Variants in SMYD1 observed in about 807,000 individuals in gnomAD.
SMYD1 encodes histone-lysine N-methyltransferase SMYD1.
A neutral mutation model predicts 54.0 loss-of-function variants in SMYD1; 49 were observed. That is an observed-to-expected ratio of 0.91 (90% confidence interval 0.72 to 1.15). The LOEUF is 1.15. SMYD1 is among the 50% of genes most tolerant of loss of function. SMYD1 has a pLI of 0.00. For synonymous variants in SMYD1, 269 were observed against 234.2 expected (o/e 1.15, Z -1.36); for missense variants, 653 against 639.6 (o/e 1.02, Z -0.23).
intron 7 of SMYD1, among the ~76,000 whole-genome samples, chr2:88,103,767 G>A (rs962343996): frequency 2.0e-5 from 3 of 152,068 alleles, no homozygotes; most frequent in Non-Finnish European, 4.4e-5. Flanking sequence ...CGGGGTATTT[G>A]CATTGAATTA....
intron 7 of SMYD1, among the ~76,000 whole-genome samples, chr2:88,105,983 A>T (rs1573122294): frequency 5.3e-5 from 8 of 151,964 alleles, no homozygotes; most frequent in Admixed American, 5.2e-4. Context: ...GAATCCATGG[A>T]TGTGGAACTT....
At chr2:88,096,985 T>G (rs1674605049) in intron 6 of SMYD1, among the ~76,000 whole-genome samples, 1 of 152,166 alleles carries the variant, frequency 6.6e-6, no homozygotes, top group Admixed American at 6.5e-5. Flanking sequence ...GCCAGGTGTT[T>G]GAGTTTGGGG....
chr2:88,104,211 C>T (rs2104012608), intron 7 of SMYD1, among the ~76,000 whole-genome samples: 1 of 152,298 alleles, frequency 6.6e-6, no homozygotes, highest in East Asian at 1.9e-4. Flanking sequence ...CATGATCTGC[C>T]CGCCTTGGCC....
intron 1 of SMYD1, among the ~76,000 whole-genome samples, chr2:88,079,493 G>A (rs555810378): frequency 6.6e-6 from 1 of 152,294 alleles, no homozygotes; most frequent in South Asian, 2.1e-4. Context: ...ACAGGGTTAT[G>A]CAAGGGGTCC....
chr2:88,105,314 A>T lies in SMYD1; in HGVS notation c.982-1011A>T, dbSNP rs138952383. 3.1e-3 allele frequency among the ~76,000 whole-genome samples: 472 copies of T among 152,212 alleles called. 5 individuals are homozygous for T. Among genetic ancestry groups the T allele is most frequent in the African/African-American group, 0.01 (428 of 41,522 alleles). ...TAAAATGGGATTATTAGTAGTACTC[A>T]TCTCAATGTGTTCTTATAAGATATA... is the stretch of plus-strand genomic sequence containing the variant. On this transcript the variant is annotated intron_variant, in intron 7 of 9. Coordinates refer to ENST00000419482, the MANE Select transcript of SMYD1 (RefSeq NM_198274.4).
chr2:88,107,140 G>A (rs1015313162), intron 8 of SMYD1, among the ~76,000 whole-genome samples: 2 of 152,068 alleles, frequency 1.3e-5, no homozygotes, highest in African/African-American at 4.8e-5. Context: ...GGCGGAGCTT[G>A]CAGTGAGCCT....
chr2:88,112,701 T>C lies in SMYD1; in HGVS notation c.*2189T>C, dbSNP rs1022827959. On this transcript the variant is annotated 3_prime_UTR_variant, in exon 10 of 10. Transcript: ENST00000419482. ...TCTTACCAAGATCAAATCTAATGGGTACATTTTAGTTCCTATGTGATTTGG... is the reference window on the plus strand; with the variant it reads ...TCTTACCAAGATCAAATCTAATGGGCACATTTTAGTTCCTATGTGATTTGG... 4 of 153,676 alleles carry C rather than the reference T, an allele frequency of 2.6e-5. No individual in the cohort carries two copies. The highest frequency in any genetic ancestry group is 5.8e-5 in the Non-Finnish European group (4 of 68,986). 9.5% of individuals were successfully genotyped at this position (153,676 alleles called of 1,614,324 possible). A position where few individuals can be genotyped will look rare whatever the true frequency, so the allele number is the denominator to read the frequency against.
At position 88,096,755 on chromosome 2, in the gene SMYD1, C is replaced by T; in HGVS notation, c.859C>T (p.Leu287Phe). 6.2e-7 allele frequency: 1 copy of T among 1,614,010 alleles called. No homozygotes were observed. The highest frequency in any genetic ancestry group is 1.7e-5 in the Admixed American group (1 of 59,984). The change falls in exon 6 of 10, where the codon CTC (leucine) becomes TTC (phenylalanine). Residue 287 changes from leucine (L) to phenylalanine (F), a missense_variant. Coordinates refer to ENST00000419482, the MANE Select transcript of SMYD1 (RefSeq NM_198274.4). ...CTGCCAGAAAAAACTGAAGGATGAC[C>T]TCTTCCTGGGGGTGAAAGACAACCC... ...EHCQKKLKDD[L>F]FLGVKDNPKP...
At position 88,106,889 on chromosome 2, in the gene SMYD1, A is replaced by G. The variant is rs566138390; in HGVS notation, c.1145+401A>G. Reference sequence around the variant, plus strand: ...TTTATTTATTTTTAAAAGAGCCATCAATCACTTTGCTTAAAAATTGTAAAA... The same window carrying G: ...TTTATTTATTTTTAAAAGAGCCATCGATCACTTTGCTTAAAAATTGTAAAA... On this transcript the variant is annotated intron_variant, in intron 8 of 9. Coordinates refer to ENST00000419482, the MANE Select transcript of SMYD1 (RefSeq NM_198274.4). Among the ~76,000 whole-genome samples the G allele has an allele frequency of 5.2e-4, 79 of 152,238 alleles. 1 individual carries two copies. In the South Asian group the frequency reaches 0.013, roughly 25 times the overall value.
chr2:88,070,353 G>A (rs762822534), intron 1 of SMYD1, among the ~76,000 whole-genome samples: 53 of 152,262 alleles, frequency 3.5e-4, no homozygotes, highest in Non-Finnish European at 6.8e-4. Flanking sequence ...CCATCTTACT[G>A]CAAGACAGGC....
chr2:88,080,510 T>C (rs1453394264), intron 1 of SMYD1, among the ~76,000 whole-genome samples: 1 of 152,176 alleles, frequency 6.6e-6, no homozygotes, highest in African/African-American at 2.4e-5. Flanking sequence ...TGGGCGACCT[T>C]GGAACAGACA....
Position 88,106,484 on chromosome 2 carries a change from T to TA in SMYD1, c.1142dup (p.Tyr381Ter). Residue 381 changes from tyrosine to a stop codon, truncating the protein, a stop_gained and frameshift_variant, in exon 8 of 10, where the codon TAT (tyrosine) becomes TAAT (stop). Coordinates refer to ENST00000419482, the MANE Select transcript of SMYD1 (RefSeq NM_198274.4). LOFTEE classifies it high-confidence loss of function. ...SFYARRMVDG[Y>*]MKLYHPNNAQ... Reference sequence around the variant, plus strand: ...CTATGCCAGGAGGATGGTGGACGGCTATATGTAGGTGACGATTCTAGGTCT... The same window carrying TA: ...CTATGCCAGGAGGATGGTGGACGGCTAATATGTAGGTGACGATTCTAGGTCT... The TA allele has an allele frequency of 6.2e-7, 1 of 1,612,516 alleles. No individual in the cohort carries two copies.
intron 7 of SMYD1, among the ~76,000 whole-genome samples, chr2:88,105,441 T>C: frequency 6.6e-6 from 1 of 152,092 alleles, no homozygotes; most frequent in East Asian, 1.9e-4. Flanking sequence ...CTGCCACAGA[T>C]ACTAAAATCT....
At chr2:88,102,491 G>A (rs915067052) in intron 6 of SMYD1, among the ~76,000 whole-genome samples, 5 of 152,196 alleles carry the variant, frequency 3.3e-5, no homozygotes, top group Non-Finnish European at 7.3e-5. Context: ...AGGAAATACA[G>A]GCTGGATGCT....
intron 6 of SMYD1, 59 bp from the exon 7 acceptor site, chr2:88,102,999 A>G: frequency 7.4e-7 from 1 of 1,350,044 alleles, no homozygotes; most frequent in Non-Finnish European, 1.1e-6. Context: ...CAACTATTCA[A>G]AGGTGGAATG....
intron 1 of SMYD1, among the ~76,000 whole-genome samples, chr2:88,069,500 AAAC>A (rs1431818334): frequency 6.6e-6 from 1 of 152,150 alleles, no homozygotes; most frequent in Non-Finnish European, 1.5e-5. Flanking sequence ...TTCAGAGTGA[AAAC>A]AACCCAGAAA....
chr2:88,087,926 G>A lies in SMYD1; in HGVS notation c.379G>A (p.Val127Met). The A allele has an allele frequency of 1.9e-6, 3 of 1,613,818 alleles. No individual in the cohort carries two copies. The highest frequency in any genetic ancestry group is 2.5e-6 in the Non-Finnish European group (3 of 1,179,822). The part of the protein sequence containing the change: ...EGTGLTEGCL[V>M]SVDDLQNHVE... ...CACCGGGCTCACGGAGGGCTGCCTG[G>A]TGTCCGTGGACGACTTGCAGAACCA... The change falls in exon 3 of 10, where the codon GTG (valine) becomes ATG (methionine). Residue 127 changes from valine (V) to methionine (M), a missense_variant. Coordinates refer to ENST00000419482, the MANE Select transcript of SMYD1 (RefSeq NM_198274.4).
chr2:88,082,744 T>C (rs1018276951), intron 1 of SMYD1: 3 of 154,384 alleles, frequency 1.9e-5, no homozygotes, highest in Non-Finnish European at 4.4e-5. Flanking sequence ...AGTATTTAAC[T>C]TGGAGGAGAG....
intron 7 of SMYD1, among the ~76,000 whole-genome samples, chr2:88,103,420 T>G (rs1674773671): frequency 6.6e-6 from 1 of 152,090 alleles, no homozygotes; most frequent in South Asian, 2.1e-4. Context: ...CCCTGGGGGA[T>G]CTGTGATAGC....
Sources: allele counts gnomAD v4.1 joint callset (sites outside exome capture counted in the v4.1 genomes callset), GRCh38; gene constraint gnomAD v4.1.1; transcripts MANE v1.5; gene names NCBI Gene and HGNC (gene_info 2026-07-23, HGNC 2026-07-21).